Variants in CALN1 observed in about 807,000 individuals in gnomAD.
The protein encoded by CALN1 is calcium-binding protein 8.
A neutral mutation model predicts 30.6 loss-of-function variants in CALN1; 17 were observed. The observed-to-expected ratio is 0.56, with a 90% CI of 0.38 to 0.83. CALN1 has a LOEUF of 0.83. Among genes scored for constraint, CALN1 ranks in the 40% least tolerant of loss-of-function variants. The pLI is 0.00. For synonymous variants in CALN1, 156 were observed against 131.4 expected, an observed-to-expected ratio of 1.19 and a Z score of -1.28; for missense variants, 291 against 354.9, an observed-to-expected ratio of 0.82 and a Z score of 1.45.
chr7:72,217,998 G>A (rs1272238283), intron 3 of CALN1, among the ~76,000 whole-genome samples: 1 of 151,250 alleles, frequency 6.6e-6, no homozygotes, highest in African/African-American at 2.4e-5. Flanking sequence ...GCCTGCCACT[G>A]CGCCCAGATA....
At chr7:71,873,801 C>T (rs1792086504) in intron 5 of CALN1, among the ~76,000 whole-genome samples, 1 of 152,152 alleles carries the variant, frequency 6.6e-6, no homozygotes, top group South Asian at 2.1e-4. Flanking sequence ...AGCTTTTATT[C>T]TACAGGGGAA....
intron 5 of CALN1, among the ~76,000 whole-genome samples, chr7:71,890,145 C>T (rs1312573290): frequency 6.6e-6 from 1 of 152,156 alleles, no homozygotes; most frequent in Non-Finnish European, 1.5e-5. Flanking sequence ...CACTATGTCA[C>T]TCAGGCTGAA....
intron 3 of CALN1, among the ~76,000 whole-genome samples, chr7:72,248,751 T>G (rs147021275): frequency 6.6e-6 from 1 of 151,716 alleles, no homozygotes; most frequent in Admixed American, 6.6e-5. Flanking sequence ...TTTAGGGGGA[T>G]ATCTTTGGGG....
chr7:71,813,525 C>T lies in CALN1; in HGVS notation c.502-3033G>A, dbSNP rs933819612. Among the ~76,000 whole-genome samples the T allele has an allele frequency of 2.0e-5, 3 of 152,252 alleles. No individual in the cohort carries two copies. The East Asian group carries it at 5.8e-4, about 29-fold the overall frequency. On this transcript the variant is annotated intron_variant, in intron 5 of 6. Transcript: ENST00000395275. ...TCAAAAATAATTGTGGATGTGTTTACTAGCATAACTGATTGGAGCCAGATA... is the reference window on the plus strand; with the variant it reads ...TCAAAAATAATTGTGGATGTGTTTATTAGCATAACTGATTGGAGCCAGATA...
chr7:72,191,260 C>A (rs150512108), intron 3 of CALN1, among the ~76,000 whole-genome samples: 3 of 152,224 alleles, frequency 2.0e-5, no homozygotes, highest in Non-Finnish European at 4.4e-5. Flanking sequence ...AACAACGTAG[C>A]AATTTAGGCG....
At chr7:71,940,358 T>A (rs537037197) in intron 5 of CALN1, among the ~76,000 whole-genome samples, 1 of 152,302 alleles carries the variant, frequency 6.6e-6, no homozygotes, top group Non-Finnish European at 1.5e-5. Flanking sequence ...TTAACTCCAA[T>A]CCTGTAGACT....
At chr7:72,252,820 G>T (rs1033918553) in intron 3 of CALN1, among the ~76,000 whole-genome samples, 5 of 152,118 alleles carry the variant, frequency 3.3e-5, no homozygotes, top group South Asian at 2.1e-4. Context: ...TATGCCTGCT[G>T]CCACAAGAGC....
At chr7:71,905,575 G>A (rs959862613) in intron 5 of CALN1, among the ~76,000 whole-genome samples, 3 of 152,040 alleles carry the variant, frequency 2.0e-5, no homozygotes, top group Non-Finnish European at 4.4e-5. Flanking sequence ...AGCTTACTGA[G>A]CTGGATAAGC....
chr7:72,176,380 C>G (rs1387397543), intron 3 of CALN1, among the ~76,000 whole-genome samples: 2 of 152,188 alleles, frequency 1.3e-5, no homozygotes, highest in Non-Finnish European at 2.9e-5. Flanking sequence ...TTGTCCCCTT[C>G]AAATCTCTTG....
chr7:72,166,992 C>CCA (rs1362913186), intron 3 of CALN1, among the ~76,000 whole-genome samples: 2 of 152,002 alleles, frequency 1.3e-5, no homozygotes, highest in African/African-American at 2.4e-5. Flanking sequence ...CGAGATCATG[C>CCA]CACTGCACTC....
intron 3 of CALN1, among the ~76,000 whole-genome samples, chr7:72,154,472 TA>T (rs1424414040): frequency 6.6e-6 from 1 of 152,128 alleles, no homozygotes; most frequent in African/African-American, 2.4e-5. Context: ...AAGCAGAAGG[TA>T]AACTCACATG....
At chr7:72,328,115 T>TAAA (rs781360699) in intron 2 of CALN1, among the ~76,000 whole-genome samples, 1 of 136,758 alleles carries the variant, frequency 7.3e-6, no homozygotes, top group Non-Finnish European at 1.5e-5. Flanking sequence ...ATTTCTTTTT[T>TAAA]TAAAAAAAAA....
the CALN1 span, among the ~76,000 whole-genome samples, chr7:72,492,982 C>T: frequency 2.6e-5 from 4 of 152,310 alleles, no homozygotes; most frequent in African/African-American, 9.6e-5. Flanking sequence ...TTCTTTTTTA[C>T]AGCTTTGAGA....
chr7:71,827,127 A>T (rs1788961529), intron 5 of CALN1, among the ~76,000 whole-genome samples: 1 of 152,182 alleles, frequency 6.6e-6, no homozygotes, highest in Non-Finnish European at 1.5e-5. Context: ...CCCCTACATC[A>T]TGGGTGAGAG....
At chr7:72,077,141 T>C (rs1167177211) in intron 4 of CALN1, among the ~76,000 whole-genome samples, 1 of 152,198 alleles carries the variant, frequency 6.6e-6, no homozygotes, top group Non-Finnish European at 1.5e-5. Flanking sequence ...CTTCTATGCA[T>C]GTAACAAAAC....
Position 72,402,699 on chromosome 7 carries a change from G to A in CALN1, c.119+552C>T, listed in dbSNP as rs902752960. 5.3e-5 allele frequency among the ~76,000 whole-genome samples: 8 copies of A among 152,102 alleles called. No homozygotes were observed. The East Asian group carries it at 5.8e-4, about 11-fold the overall frequency. Reference sequence around the variant, plus strand: ...GGTAGCATAGAAAACTCCTCACCCCGAACTGACCGCATCAATGACCAGAGA... The same window carrying A: ...GGTAGCATAGAAAACTCCTCACCCCAAACTGACCGCATCAATGACCAGAGA... On this transcript the variant is annotated intron_variant, in intron 2 of 6. Coordinates refer to ENST00000395275, the MANE Select transcript of CALN1 (RefSeq NM_031468.4).
chr7:72,260,712 G>A (rs1177288726), intron 3 of CALN1, among the ~76,000 whole-genome samples: 1 of 151,932 alleles, frequency 6.6e-6, no homozygotes, highest in Non-Finnish European at 1.5e-5. Context: ...GCTATCTGAG[G>A]AGCCCCCCAC....
chr7:72,360,218 A>G, intron 2 of CALN1, among the ~76,000 whole-genome samples: 1 of 152,170 alleles, frequency 6.6e-6, no homozygotes, highest in Non-Finnish European at 1.5e-5. Flanking sequence ...TACAATAAGT[A>G]TATTGTGGTC....
chr7:71,999,130 A>T (rs1208586165), intron 5 of CALN1, among the ~76,000 whole-genome samples: 1 of 152,216 alleles, frequency 6.6e-6, no homozygotes, highest in Non-Finnish European at 1.5e-5. Context: ...GCAGAATGGA[A>T]AATTATATAA....
Sources: allele counts gnomAD v4.1 joint callset (sites outside exome capture counted in the v4.1 genomes callset), GRCh38; gene constraint gnomAD v4.1.1; transcripts MANE v1.5; gene names NCBI Gene and HGNC (gene_info 2026-07-23, HGNC 2026-07-21).